GALNT18: variants seen among roughly 807,000 people sequenced by gnomAD.
The protein encoded by GALNT18 is GalNAc-transferase 18.
Under a neutral mutation model 69.5 loss-of-function variants are expected in GALNT18, and 44 were observed. The ratio of observed to expected loss-of-function variants is 0.63; its 90% confidence interval spans 0.50 to 0.81. The LOEUF is 0.81. Among genes scored for constraint, GALNT18 ranks in the 40% least tolerant of loss-of-function variants. GALNT18 has a pLI of 0.00. For synonymous variants in GALNT18, 364 were observed against 318.2 expected (o/e 1.14, Z -1.53); for missense variants, 715 against 810.0 (o/e 0.88, Z 1.42).
intron 1 of GALNT18, among the ~76,000 whole-genome samples, chr11:11,539,221 C>T (rs1345502187): frequency 6.6e-6 from 1 of 152,190 alleles, no homozygotes; most frequent in East Asian, 1.9e-4. Context: ...CAGTAAGGCG[C>T]CCTTCCCAGC....
At position 11,618,947 on chromosome 11, in the gene GALNT18, A is replaced by G. The variant is rs1175557930; in HGVS notation, c.235+2412T>C. Among the ~76,000 whole-genome samples the G allele has an allele frequency of 6.6e-6, 1 of 152,218 alleles. No homozygotes were observed. Among genetic ancestry groups the G allele is most frequent in the African/African-American group, 2.4e-5 (1 of 41,452 alleles). ...TACACATAAACAGCTTGTACCATCA[A>G]GCACAAGAGCTTGATCTTATTGTCC... On this transcript the variant is annotated intron_variant, in intron 1 of 10. Transcript: ENST00000227756. The surrounding 1 kb of genome is among the most constrained non-coding windows in gnomAD (Gnocchi z 6.1).
chr11:11,494,650 C>T lies in GALNT18; in HGVS notation c.236-45714G>A, dbSNP rs951620602. Among the ~76,000 whole-genome samples the T allele has an allele frequency of 1.3e-5, 2 of 152,200 alleles. No individual in the cohort carries two copies. Among genetic ancestry groups the T allele is most frequent in the Non-Finnish European group, 2.9e-5 (2 of 68,046 alleles). On this transcript the variant is annotated intron_variant, in intron 1 of 10. Transcript: ENST00000227756. This position sits in a 1 kb window ranked among gnomAD's most constrained non-coding sequence, Gnocchi z 5.7. ...ACATGAATTTCTACACAGCCTCAGC[C>T]TTTTTTGCTTTTAAGTGCAGAGGAT...
At chr11:11,282,081 ACTTG>A (rs1228633064) in intron 10 of GALNT18, among the ~76,000 whole-genome samples, 3 of 152,118 alleles carry the variant, frequency 2.0e-5, no homozygotes, top group African/African-American at 7.2e-5. Context: ...AAAGTTTAAA[ACTTG>A]CTTAAACTTT....
rs549398823 is a variant in GALNT18, at chr11:11,382,492, A to G, written c.596-3228T>C. Among the ~76,000 whole-genome samples, 10 of 152,330 alleles carry G rather than the reference A, an allele frequency of 6.6e-5. No individual in the cohort carries two copies. In the East Asian group the frequency reaches 1.9e-3, roughly 29 times the overall value. On this transcript the variant is annotated intron_variant, in intron 3 of 10. Coordinates refer to ENST00000227756, the MANE Select transcript of GALNT18 (RefSeq NM_198516.3). The surrounding 1 kb of genome is among the most constrained non-coding windows in gnomAD (Gnocchi z 4.3). ...TAAACACACACACATACCTGTTCAC[A>G]TATAATATCTCTCAGAACTTCTTAG...
intron 5 of GALNT18, among the ~76,000 whole-genome samples, chr11:11,373,197 G>T (rs1850954000): frequency 6.6e-6 from 1 of 152,134 alleles, no homozygotes; most frequent in Non-Finnish European, 1.5e-5. Flanking sequence ...AGAATAGTTA[G>T]GCAGCTGTGG....
At chr11:11,279,383 C>G (rs991849407) in intron 10 of GALNT18, among the ~76,000 whole-genome samples, 2 of 152,096 alleles carry the variant, frequency 1.3e-5, no homozygotes, top group African/African-American at 4.8e-5. Flanking sequence ...TTGAAATGGG[C>G]AGTACCTACT....
chr11:11,397,526 C>G (rs1287510060), intron 3 of GALNT18, among the ~76,000 whole-genome samples: 3 of 152,174 alleles, frequency 2.0e-5, no homozygotes, highest in Non-Finnish European at 2.9e-5. Context: ...TGCAATGGCA[C>G]CATCTCGGCT....
At chr11:11,578,330 C>CAAAAAAAAAA (rs57579910) in intron 1 of GALNT18, among the ~76,000 whole-genome samples, 1,358 of 120,122 alleles carry the variant, frequency 0.011, 21 homozygotes, top group African/African-American at 0.046. Flanking sequence ...TAAAAAGAAC[C>CAAAAAAAAAA]AAAAAAAAAA....
chr11:11,410,711 T>C (rs533603345), intron 3 of GALNT18, among the ~76,000 whole-genome samples: 1 of 152,182 alleles, frequency 6.6e-6, no homozygotes, highest in Non-Finnish European at 1.5e-5. Flanking sequence ...GGGTCTGGAA[T>C]TTTAGTTGAA....
chr11:11,423,383 A>G (rs1855056990), intron 3 of GALNT18, among the ~76,000 whole-genome samples: 1 of 152,252 alleles, frequency 6.6e-6, no homozygotes, highest in Non-Finnish European at 1.5e-5. Flanking sequence ...TCACACAGGC[A>G]TGCCAATTTC....
chr11:11,599,017 G>T (rs1859569083), intron 1 of GALNT18, among the ~76,000 whole-genome samples: 1 of 151,500 alleles, frequency 6.6e-6, no homozygotes, highest in Non-Finnish European at 1.5e-5. Context: ...CTAGTGTATG[G>T]TGTATTCTGG....
chr11:11,547,936 T>A (rs1306824223), intron 1 of GALNT18, among the ~76,000 whole-genome samples: 1 of 152,148 alleles, frequency 6.6e-6, no homozygotes, highest in African/African-American at 2.4e-5. Flanking sequence ...CCCTTGCATG[T>A]GCCATTCCCT....
intron 3 of GALNT18, among the ~76,000 whole-genome samples, chr11:11,429,947 C>A (rs955338674): frequency 6.6e-6 from 1 of 152,058 alleles, no homozygotes; most frequent in African/African-American, 2.4e-5. Context: ...TGAGACCTGG[C>A]TACCCAACGT....
chr11:11,301,079 T>C (rs558553829), intron 9 of GALNT18, among the ~76,000 whole-genome samples: 2 of 152,170 alleles, frequency 1.3e-5, no homozygotes, highest in East Asian at 1.9e-4. Context: ...AGGGTATCCA[T>C]AGGAGGGCAA....
intron 4 of GALNT18, among the ~76,000 whole-genome samples, chr11:11,378,546 G>A (rs1264238434): frequency 6.6e-6 from 1 of 152,212 alleles, no homozygotes; most frequent in Non-Finnish European, 1.5e-5. Flanking sequence ...ACCAGAGAAA[G>A]AAAGATGTTC....
intron 5 of GALNT18, among the ~76,000 whole-genome samples, chr11:11,373,032 C>T (rs1850949168): frequency 6.6e-6 from 1 of 152,164 alleles, no homozygotes; most frequent in Non-Finnish European, 1.5e-5. Context: ...ATCTGTATGT[C>T]ATCCTTGGTC....
chr11:11,327,097 T>C lies in GALNT18; in HGVS notation c.1501A>G (p.Met501Val). The C allele has an allele frequency of 1.2e-6, 2 of 1,612,814 alleles. No homozygotes were observed. Among genetic ancestry groups the C allele is most frequent in the African/African-American group, 1.3e-5 (1 of 74,998 alleles). ...NVPIMYICHGMTPQNVYYTSS... is the reference protein window; with the variant it reads ...NVPIMYICHGVTPQNVYYTSS... ...CTTAGAGGACTCACCTGAGGCGTCA[T>C]CCCATGGCAGATGTACATGATGGGG... Residue 501 changes from methionine to valine, a missense_variant, in exon 9 of 11, where the codon ATG becomes GTG. Coordinates refer to ENST00000227756, the MANE Select transcript of GALNT18 (RefSeq NM_198516.3).
chr11:11,502,137 C>A (rs1856986616), intron 1 of GALNT18, among the ~76,000 whole-genome samples: 1 of 132,718 alleles, frequency 7.5e-6, no homozygotes, highest in African/African-American at 2.8e-5. Flanking sequence ...GTGCCCACCT[C>A]TGAGCTCAGC....
Position 11,613,461 on chromosome 11 carries a change from C to T in GALNT18, c.235+7898G>A, listed in dbSNP as rs138102807. ...TACATTCCCTTGCATACTAATATGC[C>T]TTCTCAAGTAGGAAAATAAAGGGTG... On this transcript the variant is annotated intron_variant, in intron 1 of 10. Coordinates refer to ENST00000227756, the MANE Select transcript of GALNT18 (RefSeq NM_198516.3). This position sits in a 1 kb window ranked among gnomAD's most constrained non-coding sequence, Gnocchi z 4.2. Among the ~76,000 whole-genome samples, 285 of 152,276 alleles carry T rather than the reference C, an allele frequency of 1.9e-3. 2 individuals are homozygous for T. Among genetic ancestry groups the T allele is most frequent in the African/African-American group, 6.6e-3 (274 of 41,552 alleles).
Sources: allele counts gnomAD v4.1 joint callset (sites outside exome capture counted in the v4.1 genomes callset), GRCh38; gene constraint gnomAD v4.1.1; non-coding constraint Gnocchi (gnomAD v3.1); transcripts MANE v1.5; gene names NCBI Gene and HGNC (gene_info 2026-07-23, HGNC 2026-07-21).